The following ATP2B2 variants were observed in gnomAD, a reference collection of about 807,000 sequenced individuals.
ATP2B2 encodes ATPase plasma membrane Ca2+ transporting 2.
A neutral mutation model predicts 120.0 loss-of-function variants in ATP2B2; 15 were observed. That is an observed-to-expected ratio of 0.12 (90% CI 0.08 to 0.19). The LOEUF (loss-of-function observed/expected upper bound fraction) is 0.19, where lower values mean the gene tolerates loss of function less well. ATP2B2 is among the 10% of genes least tolerant of loss of function. The pLI, the probability that ATP2B2 is intolerant of heterozygous loss-of-function variation, is 1.00. For missense variants in ATP2B2, 1,045 were observed against 1,719.8 expected (o/e 0.61, Z 6.94); for synonymous variants, 694 against 700.3 (o/e 0.99, Z 0.14).
chr3:10,394,915 A>T (rs987607074), intron 5 of ATP2B2, among the ~76,000 whole-genome samples: 2 of 151,970 alleles, frequency 1.3e-5, no homozygotes, highest in African/African-American at 4.8e-5. Flanking sequence ...CATCTAGTCT[A>T]GTCCTGCATT....
At chr3:10,610,974 C>T (rs1010806834) in intron 2 of ATP2B2, among the ~76,000 whole-genome samples, 1 of 152,206 alleles carries the variant, frequency 6.6e-6, no homozygotes, top group African/African-American at 2.4e-5. Flanking sequence ...GGCTCGCTGA[C>T]AGTCCCTCTC....
intron 1 of ATP2B2, among the ~76,000 whole-genome samples, chr3:10,486,501 C>T (rs990335426): frequency 8.5e-5 from 13 of 152,090 alleles, no homozygotes; most frequent in African/African-American, 3.1e-4. Context: ...TTGCTGCAGT[C>T]ACAACAGCTG....
chr3:10,537,106 C>T (rs2067334864), intron 2 of ATP2B2, among the ~76,000 whole-genome samples: 1 of 152,154 alleles, frequency 6.6e-6, no homozygotes, highest in South Asian at 2.1e-4. Context: ...ATCTATGTGT[C>T]ATATCTCTGT....
intron 1 of ATP2B2, among the ~76,000 whole-genome samples, chr3:10,703,986 G>A (rs944136384): frequency 3.9e-5 from 6 of 152,094 alleles, no homozygotes; most frequent in Admixed American, 3.9e-4. Flanking sequence ...CCAACCCCGA[G>A]CCTGCTTACC....
rs2062406614 is a variant in ATP2B2 at position 10,406,252 on chromosome 3, T to C, written c.398-3904A>G. 1.3e-5 allele frequency among the ~76,000 whole-genome samples: 2 copies of C among 152,122 alleles called. 1 individual carries two copies. Among genetic ancestry groups the C allele is most frequent in the Admixed American group, 1.3e-4 (2 of 15,284 alleles). The stretch of plus-strand genomic sequence containing the variant: ...AGGCTGGCCCAGCTTGGCCCAGTGG[T>C]TTTAGGGAAAAGAATGAGATGAAGT... On this transcript the variant is annotated intron_variant, in intron 3 of 22. Coordinates refer to ENST00000360273, the MANE Select transcript of ATP2B2 (RefSeq NM_001001331.4).
intron 1 of ATP2B2, among the ~76,000 whole-genome samples, chr3:10,640,035 A>G (rs1268696448): frequency 6.6e-6 from 1 of 152,134 alleles, no homozygotes; most frequent in Non-Finnish European, 1.5e-5. Flanking sequence ...GACTTTTCCC[A>G]GGAGACCTTT....
At chr3:10,585,937 C>A (rs2068500840) in intron 2 of ATP2B2, among the ~76,000 whole-genome samples, 1 of 152,290 alleles carries the variant, frequency 6.6e-6, no homozygotes, top group African/African-American at 2.4e-5. Context: ...TCTGTTTAAC[C>A]ATGGGCTATC....
At chr3:10,670,716 C>T (rs1282874778) in intron 1 of ATP2B2, among the ~76,000 whole-genome samples, 2 of 152,138 alleles carry the variant, frequency 1.3e-5, no homozygotes, top group African/African-American at 2.4e-5. Context: ...CCACGGGGCC[C>T]GGCCCTGATA....
At chr3:10,604,300 T>C (rs2069003052) in intron 2 of ATP2B2, among the ~76,000 whole-genome samples, 1 of 152,170 alleles carries the variant, frequency 6.6e-6, no homozygotes, top group Admixed American at 6.5e-5. Flanking sequence ...AGCTGCCATC[T>C]CTTCTCTCCA....
At chr3:10,380,216 T>C (rs1270373474) in intron 8 of ATP2B2, among the ~76,000 whole-genome samples, 6 of 152,226 alleles carry the variant, frequency 3.9e-5, no homozygotes, top group African/African-American at 1.4e-4. Flanking sequence ...CAGGAGCTTG[T>C]GGGCTGGGTG....
chr3:10,608,709 ATCT>A (rs1267956982), intron 2 of ATP2B2, among the ~76,000 whole-genome samples: 1 of 152,122 alleles, frequency 6.6e-6, no homozygotes, highest in African/African-American at 2.4e-5. Flanking sequence ...CATCTGTAAA[ATCT>A]TCTCCAGCAC....
intron 5 of ATP2B2, among the ~76,000 whole-genome samples, chr3:10,397,745 G>C (rs933513858): frequency 6.6e-6 from 1 of 152,126 alleles, no homozygotes; most frequent in Non-Finnish European, 1.5e-5. Context: ...TGGGAGGGGC[G>C]CTGAATGCGG....
At chr3:10,517,452 T>A (rs899886932) in intron 3 of ATP2B2, among the ~76,000 whole-genome samples, 4 of 152,180 alleles carry the variant, frequency 2.6e-5, no homozygotes, top group Non-Finnish European at 4.4e-5. Flanking sequence ...CCACTGAGAA[T>A]TTTCTCTCCA....
intron 12 of ATP2B2, among the ~76,000 whole-genome samples, chr3:10,369,867 G>T (rs1559239135): frequency 6.6e-6 from 1 of 152,122 alleles, no homozygotes; most frequent in Non-Finnish European, 1.5e-5. Context: ...TTCCCACATC[G>T]ACGGCTGTCA....
rs531842617 is a variant in ATP2B2, at chr3:10,427,357, G to A, written c.200-16542C>T. Among the ~76,000 whole-genome samples the A allele has an allele frequency of 5.9e-5, 9 of 152,264 alleles. 1 individual carries two copies. The highest frequency in any genetic ancestry group is 1.7e-4 in the African/African-American group (7 of 41,530). ...TTCTTTACTTTTGGGGTCATCACAC[G>A]AATTCGGACTCTCGGCATCTCCCAT... On this transcript the variant is annotated intron_variant, in intron 2 of 22. Transcript: ENST00000360273.
At chr3:10,509,907 G>A (rs2066726055), upstream of ATP2B2, among the ~76,000 whole-genome samples, 1 of 152,182 alleles carries the variant, frequency 6.6e-6, no homozygotes, top group South Asian at 2.1e-4. Flanking sequence ...CTGAGTCCCA[G>A]GTTTTTTTCA....
intron 5 of ATP2B2, among the ~76,000 whole-genome samples, chr3:10,395,302 G>A (rs1458370652): frequency 1.3e-5 from 2 of 152,230 alleles, no homozygotes; most frequent in African/African-American, 4.8e-5. Context: ...GTGGCATGCA[G>A]GACCCCACAT....
chr3:10,507,620 C>T (rs900301019), upstream of ATP2B2, among the ~76,000 whole-genome samples: 2 of 152,200 alleles, frequency 1.3e-5, no homozygotes, highest in African/African-American at 2.4e-5. Flanking sequence ...ACATCTTTGG[C>T]GGTAAACTGC....
intron 1 of ATP2B2, among the ~76,000 whole-genome samples, chr3:10,664,142 T>C (rs1357511549): frequency 1.3e-5 from 2 of 151,986 alleles, no homozygotes; most frequent in Admixed American, 6.6e-5. Flanking sequence ...GGGAGTGTTT[T>C]TGTGGGGATG....
Sources: gnomAD v4.1 joint callset for allele counts (sites outside exome capture counted in the v4.1 genomes callset) on GRCh38, gnomAD v4.1.1 for gene constraint, MANE v1.5 for transcripts, NCBI Gene and HGNC (gene_info 2026-07-23, HGNC 2026-07-21) for gene names.